Variants in PACS2 observed in about 807,000 individuals in gnomAD.
PACS2 encodes the protein PACS1-like protein.
A neutral mutation model predicts 113.0 loss-of-function variants in PACS2; 36 were observed. The observed-to-expected ratio is 0.32, with a 90% CI of 0.24 to 0.42. The LOEUF is 0.42. Among genes scored for constraint, PACS2 ranks in the 10% least tolerant of loss-of-function variants. The pLI is 1.00. For synonymous variants in PACS2, 589 were observed against 536.1 expected (o/e 1.10, Z -1.36); for missense variants, 1,015 against 1,239.5 (o/e 0.82, Z 2.72).
intron 8 of PACS2, chr14:105,371,221 A>G (rs1276410388): frequency 2.0e-5 from 3 of 152,244 alleles, no homozygotes; most frequent in African/African-American, 7.2e-5. Flanking sequence ...GGATTGGAAC[A>G]TTCCCAAGTG....
At position 105,307,257 on chromosome 14, in the gene PACS2, C is replaced by G. The variant is rs997010902; in HGVS notation, c.-83+6278C>G. 7.2e-5 allele frequency among the ~76,000 whole-genome samples: 11 copies of G among 152,176 alleles called. 1 individual carries two copies. Among genetic ancestry groups the G allele is most frequent in the South Asian group, 6.2e-4 (3 of 4,826 alleles). ...CAACCATCATGAGTCCCACCTGCCT[C>G]CTTTCATCAGGCTCCTGCATTCCTG... On this transcript the variant is annotated intron_variant, in intron 1 of 23. Transcript: ENST00000430725.
chr14:105,368,959 T>A (rs368752220), intron 7 of PACS2, among the ~76,000 whole-genome samples: 1 of 152,204 alleles, frequency 6.6e-6, no homozygotes. Flanking sequence ...CTGTTCAGCA[T>A]TTTTTCCCTG....
At chr14:105,382,444 C>A (rs782003412) in intron 13 of PACS2, 33 bp from the exon 14 acceptor site, 2 of 1,296,090 alleles carry the variant, frequency 1.5e-6, no homozygotes, top group Non-Finnish European at 1.1e-6. Context: ...CTGTGCTTCT[C>A]TTCTGGGTGT....
upstream of PACS2, chr14:105,314,676 C>CGG (rs1566891651): frequency 8.5e-5 from 12 of 141,674 alleles, no homozygotes; most frequent in Non-Finnish European, 1.9e-4. Flanking sequence ...CGGAGGGCGC[C>CGG]GGGCGCGCGC....
upstream of PACS2, among the ~76,000 whole-genome samples, chr14:105,314,056 G>A (rs949294404): frequency 6.6e-6 from 1 of 152,268 alleles, no homozygotes. Flanking sequence ...GGCGCCCGGG[G>A]TCATCTGGAG....
At position 105,385,666 on chromosome 14, in the gene PACS2, T is replaced by C. The variant is rs1555413444; in HGVS notation, c.2001-19T>C. The C allele has an allele frequency of 1.3e-6, 2 of 1,516,834 alleles. No homozygotes were observed. The highest frequency in any genetic ancestry group is 1.8e-6 in the Non-Finnish European group (2 of 1,134,586). The allele number at this position is 1,516,834 out of a possible 1,614,324, so 94.0% of individuals were successfully genotyped here. On this transcript the variant is annotated intron_variant, in intron 18 of 24. Transcript: ENST00000447393. ...CGTCGTAACGTGTCTGTTTTCTCTT[T>C]TGGTGGCTTTCTGAAAAGGAAAAAG...
chr14:105,309,352 T>TC lies in PACS2; in HGVS notation c.-83+8374dup, dbSNP rs5811174. 0.11 allele frequency among the ~76,000 whole-genome samples: 17,484 copies of TC among 152,194 alleles called. 3,409 individuals are homozygous for TC. Among genetic ancestry groups the TC allele is most frequent in the African/African-American group, 0.4 (16,504 of 41,460 alleles). On this transcript the variant is annotated intron_variant, in intron 1 of 23. Transcript: ENST00000430725. The surrounding 1 kb of genome is among the most constrained non-coding windows in gnomAD (Gnocchi z 4.0). Reference sequence around the variant, plus strand: ...CCCTGATTTGTCACACAATCACATATCTGAGAATTTCCCCATGTTGCTAAA... The same window carrying TC: ...CCCTGATTTGTCACACAATCACATATCCTGAGAATTTCCCCATGTTGCTAAA...
chr14:105,368,615 G>A (rs782716798), intron 7 of PACS2, 76 bp downstream of exon 7: 32 of 1,114,038 alleles, frequency 2.9e-5, no homozygotes, highest in Middle Eastern at 2.1e-4. Flanking sequence ...GGCGTGGGGG[G>A]GACACGGGCG....
intron 1 of PACS2, among the ~76,000 whole-genome samples, chr14:105,342,252 G>T (rs2059757445): frequency 6.6e-6 from 1 of 151,870 alleles, no homozygotes; most frequent in Admixed American, 6.6e-5. Context: ...GTGTGTGTGT[G>T]TGTGTGTGTG....
intron 8 of PACS2, among the ~76,000 whole-genome samples, chr14:105,373,322 A>G (rs1194890969): frequency 6.6e-6 from 1 of 152,258 alleles, no homozygotes; most frequent in African/African-American, 2.4e-5. Flanking sequence ...ATGTACTACA[A>G]AACCACAGTA....
At position 105,395,122 on chromosome 14, in the gene PACS2, C is replaced by T. The variant is rs587681467; in HGVS notation, c.*450C>T. On this transcript the variant is annotated 3_prime_UTR_variant, in exon 25 of 25. Coordinates refer to ENST00000447393, the MANE Select transcript of PACS2 (RefSeq NM_001100913.3). ...TGTCCTGAGTTGAGCCTGGGGGGGCCGTCCTGCCCGCCTAAGAGATGCCCC... is the reference window on the plus strand; with the variant it reads ...TGTCCTGAGTTGAGCCTGGGGGGGCTGTCCTGCCCGCCTAAGAGATGCCCC... 1.8e-4 allele frequency: 29 copies of T among 165,046 alleles called. 1 individual carries two copies. The South Asian group carries it at 2.8e-3, about 16-fold the overall frequency. 10.2% of individuals were successfully genotyped at this position (165,046 alleles called of 1,614,324 possible).
chr14:105,354,909 G>A lies in PACS2; in HGVS notation c.298-143G>A. 2 of 705,120 alleles carry A rather than the reference G, an allele frequency of 2.8e-6. No homozygotes were observed. The highest frequency in any genetic ancestry group is 2.4e-6 in the Non-Finnish European group (1 of 424,528). The allele number at this position is 705,120 out of a possible 1,614,324, so 43.7% of individuals were successfully genotyped here. ...GGCATGCCACTGGGATGAACTTGGG[G>A]GCCCGTCTGTGGGTGCCCTTCCGAT... is the stretch of plus-strand genomic sequence containing the variant. On this transcript the variant is annotated intron_variant, in intron 3 of 24. Coordinates refer to ENST00000447393, the MANE Select transcript of PACS2 (RefSeq NM_001100913.3). This position sits in a 1 kb window ranked among gnomAD's most constrained non-coding sequence, Gnocchi z 4.2.
In PACS2 at chr14:105,381,119, G is replaced by A. The variant is rs782615120; in HGVS notation, c.1268+20G>A. 24 of 1,600,850 alleles carry A rather than the reference G, an allele frequency of 1.5e-5. No individual in the cohort carries two copies. Among genetic ancestry groups the A allele is most frequent in the Admixed American group, 5.1e-5 (3 of 59,284 alleles). On this transcript the variant is annotated intron_variant, in intron 12 of 24. Transcript: ENST00000447393. The stretch of plus-strand genomic sequence containing the variant: ...CACCAGGTGATGGGGGCTGCACGGC[G>A]GGGCGGGGCGGTGATGCACCTGTCG...
At chr14:105,378,311 C>A (rs1376016515) in intron 9 of PACS2, among the ~76,000 whole-genome samples, 2 of 152,228 alleles carry the variant, frequency 1.3e-5, no homozygotes, top group Admixed American at 1.3e-4. Flanking sequence ...GGGCTATGAT[C>A]TTGAATGGGC....
At chr14:105,369,779 G>T (rs2061082229) in intron 7 of PACS2, 62 bp from the exon 8 acceptor site, 2 of 1,426,964 alleles carry the variant, frequency 1.4e-6, no homozygotes, top group African/African-American at 2.8e-5. Context: ...CTGAGGAAGG[G>T]GCTCCAGCGG....
chr14:105,368,336 A>G (rs1355668502), intron 6 of PACS2, 123 bp from the exon 7 acceptor site: 1 of 867,482 alleles, frequency 1.2e-6, no homozygotes, highest in East Asian at 2.5e-5. Flanking sequence ...TGGCTCTGAG[A>G]GTCTTGGGAC....
chr14:105,338,465 G>A (rs1179401515), intron 1 of PACS2, among the ~76,000 whole-genome samples: 1 of 152,136 alleles, frequency 6.6e-6, no homozygotes, highest in Non-Finnish European at 1.5e-5. Flanking sequence ...TTCCCACCTT[G>A]TTCCTTGGGC....
At chr14:105,304,527 G>C (rs191893610) in intron 1 of PACS2, among the ~76,000 whole-genome samples, 3 of 151,954 alleles carry the variant, frequency 2.0e-5, no homozygotes, top group Non-Finnish European at 4.4e-5. Context: ...TATAAAAAAG[G>C]GTGAGGCTCT....
Position 105,382,501 on chromosome 14 carries a change from C to T in PACS2, c.1438C>T (p.Gln480Ter). The T allele has an allele frequency of 6.2e-7, 1 of 1,610,904 alleles. No individual in the cohort carries two copies. Among genetic ancestry groups the T allele is most frequent in the Non-Finnish European group, 8.5e-7 (1 of 1,177,116 alleles). Reference protein sequence around the residue: ...LQIPRKTVYDQLNHILISDDQ... With the variant: ...LQIPRKTVYD ...GATCCCCAGGAAGACTGTGTATGAC[C>T]AGCTCAACCACATCCTCATCTCCGA... Residue 480 changes from glutamine to a stop codon, truncating the protein, a stop_gained, in exon 14 of 25, where the codon CAG becomes TAG. Coordinates refer to ENST00000447393, the MANE Select transcript of PACS2 (RefSeq NM_001100913.3). LOFTEE classifies it high-confidence loss of function.
Sources: gnomAD v4.1 joint callset for allele counts (sites outside exome capture counted in the v4.1 genomes callset) on GRCh38, gnomAD v4.1.1 for gene constraint, Gnocchi (gnomAD v3.1) non-coding constraint, MANE v1.5 for transcripts, NCBI Gene and HGNC (gene_info 2026-07-23, HGNC 2026-07-21) for gene names.